Variants in CDH7 observed in about 807,000 individuals in gnomAD.
CDH7 encodes the protein cadherin 7, also known as cadherin-7.
CDH7 carries 25 observed loss-of-function variants against 71.8 expected under a neutral mutation model. The ratio of observed to expected loss-of-function variants is 0.35; its 90% CI spans 0.25 to 0.49. The LOEUF (loss-of-function observed/expected upper bound fraction) is 0.49, where lower values mean the gene tolerates loss of function less well. Ranked by LOEUF, CDH7 falls within the 20% of genes least tolerant of loss-of-function variation. The pLI, the probability that CDH7 is intolerant of heterozygous loss-of-function variation, is 0.99. For missense variants in CDH7, 862 were observed against 974.6 expected (o/e 0.88, Z 1.54); for synonymous variants, 381 against 363.8 (o/e 1.05, Z -0.54).
At chr18:65,813,272 C>T (rs534946054) in intron 3 of CDH7, among the ~76,000 whole-genome samples, 100 of 152,268 alleles carry the variant, frequency 6.6e-4, no homozygotes, top group African/African-American at 2.0e-3. Context: ...GTGGAGGTTA[C>T]GGTGAGCCAA....
At chr18:65,779,118 T>A (rs1048819755) in intron 2 of CDH7, among the ~76,000 whole-genome samples, 36 of 152,000 alleles carry the variant, frequency 2.4e-4, no homozygotes, top group African/African-American at 7.7e-4. Flanking sequence ...TATTTTTTAG[T>A]AAATTTTGTA....
rs1568182797 is a variant in CDH7 at position 65,782,176 on chromosome 18, T to TTCTTTCTTTCTC, written c.210+19135_210+19136insCTCTTTCTTTCT. Among the ~76,000 whole-genome samples, 30 of 134,646 alleles carry TTCTTTCTTTCTC rather than the reference T, an allele frequency of 2.2e-4. 3 individuals are homozygous for TTCTTTCTTTCTC. Among genetic ancestry groups the TTCTTTCTTTCTC allele is most frequent in the African/African-American group, 8.8e-4 (27 of 30,512 alleles). The allele number at this position is 134,646 out of a possible 152,430, so 88.3% of individuals were successfully genotyped here. A position where few individuals can be genotyped will look rare whatever the true frequency, so the allele number is the denominator to read the frequency against. On this transcript the variant is annotated intron_variant, in intron 2 of 11. Transcript: ENST00000397968. ...TTTCTTTCTTTCTTCCTTTCTTTCT[T>TTCTTTCTTTCTC]TCTTTCTTTCTTGACAGAGTCTCAC... is the stretch of plus-strand genomic sequence containing the variant.
intron 6 of CDH7, among the ~76,000 whole-genome samples, chr18:65,831,147 T>A (rs1490660301): frequency 6.6e-6 from 1 of 152,174 alleles, no homozygotes; most frequent in Non-Finnish European, 1.5e-5. Context: ...AATAATTTAT[T>A]ACAATTTTGT....
intron 2 of CDH7, among the ~76,000 whole-genome samples, chr18:65,784,961 T>A (rs1333029620): frequency 1.3e-5 from 2 of 152,202 alleles, no homozygotes; most frequent in Admixed American, 6.5e-5. Context: ...AAGATGTTTA[T>A]AATAGGCAGA....
At position 65,809,994 on chromosome 18, in the gene CDH7, C is replaced by T. The variant is rs780073824; in HGVS notation, c.501C>T (p.Pro167=). 23 of 1,608,474 alleles carry T rather than the reference C, an allele frequency of 1.4e-5. No homozygotes were observed. In the East Asian group the frequency reaches 1.6e-4, roughly 11 times the overall value. Residue 167 remains proline (P), a synonymous_variant, in exon 3 of 12, where the codon CCC becomes CCT. Coordinates refer to ENST00000397968, the MANE Select transcript of CDH7 (RefSeq NM_004361.5). ...CGGCAGGAGTTCCCGAAATGTCTCC[C>T]GTGGGTAAGTAAAGAACACTCTGCT... is the stretch of plus-strand genomic sequence containing the variant. ...PYTAGVPEMS[P]VGTSVVQVTA... is the part of the protein sequence containing the mutation.
intron 10 of CDH7, 144 bp downstream of exon 10, chr18:65,859,969 A>C (rs979136302): frequency 3.5e-6 from 2 of 567,632 alleles, no homozygotes; most frequent in Admixed American, 6.0e-5. Context: ...AGTAATTTTT[A>C]TCTATGGATT....
chr18:65,842,579 ATATAT>A (rs908357151), intron 6 of CDH7, among the ~76,000 whole-genome samples: 40 of 151,978 alleles, frequency 2.6e-4, no homozygotes, highest in African/African-American at 9.6e-4. Context: ...ACAGTATGGG[ATATAT>A]TATATACAGT....
intron 6 of CDH7, among the ~76,000 whole-genome samples, chr18:65,829,221 G>A (rs530447869): frequency 9.2e-5 from 14 of 151,946 alleles, no homozygotes; most frequent in Admixed American, 8.5e-4. Flanking sequence ...CCGGGTTCAC[G>A]CCATTCTCCT....
chr18:65,866,315 C>CAAAAAAAACAAAAAAAAAAAAAAAAAAA (rs1913753284), intron 11 of CDH7: 1 of 1,356 alleles, frequency 7.4e-4, no homozygotes, highest in Non-Finnish European at 1.7e-3. Context: ...AAAAAAAAAA[C>CAAAAAAAACAAAAAAAAAAAAAAAAAAA]AAAAAAAAAA....
intron 2 of CDH7, among the ~76,000 whole-genome samples, chr18:65,792,942 G>T (rs1910766234): frequency 6.6e-6 from 1 of 152,270 alleles, no homozygotes; most frequent in African/African-American, 2.4e-5. Context: ...CCACCTCTGA[G>T]ACCCTGCCTT....
At chr18:65,876,852 G>C (rs1914087987) in intron 11 of CDH7, among the ~76,000 whole-genome samples, 1 of 152,244 alleles carries the variant, frequency 6.6e-6, no homozygotes, top group South Asian at 2.1e-4. Flanking sequence ...ACATATTTTT[G>C]TTAAACAGAT....
intron 11 of CDH7, among the ~76,000 whole-genome samples, chr18:65,870,333 C>T (rs111750584): frequency 7.9e-5 from 12 of 152,274 alleles, no homozygotes; most frequent in Admixed American, 1.3e-4. Flanking sequence ...TTCCATAGCA[C>T]GTAAATCCAC....
At chr18:65,801,956 C>T (rs1028827821) in intron 2 of CDH7, among the ~76,000 whole-genome samples, 6 of 152,186 alleles carry the variant, frequency 3.9e-5, no homozygotes, top group South Asian at 2.1e-4. Flanking sequence ...GTCTGCGACA[C>T]GTACATGCAT....
intron 2 of CDH7, among the ~76,000 whole-genome samples, chr18:65,798,039 T>C (rs2143874414): frequency 1.3e-5 from 2 of 152,278 alleles, no homozygotes; most frequent in East Asian, 3.9e-4. Context: ...GAACATAAGA[T>C]ACTCAACCCT....
intron 1 of CDH7, among the ~76,000 whole-genome samples, chr18:65,757,894 C>A (rs1916078437): frequency 6.6e-6 from 1 of 151,838 alleles, no homozygotes. Context: ...TGACATGAAT[C>A]TTGTTTTTAA....
chr18:65,805,723 A>G (rs1450778712), intron 2 of CDH7, among the ~76,000 whole-genome samples: 4 of 152,140 alleles, frequency 2.6e-5, no homozygotes, highest in South Asian at 4.1e-4. Context: ...ATCCATCATG[A>G]AAGTCCTTCA....
intron 2 of CDH7, among the ~76,000 whole-genome samples, chr18:65,785,295 G>T (rs535861834): frequency 6.6e-6 from 1 of 151,950 alleles, no homozygotes; most frequent in Non-Finnish European, 1.5e-5. Context: ...GACATATAGT[G>T]TTCTGTAGAG....
Position 65,862,879 on chromosome 18 carries a change from C to A in CDH7, c.1826C>A (p.Ala609Asp), listed in dbSNP as rs1175534570. The A allele has an allele frequency of 6.2e-7, 1 of 1,614,020 alleles. No homozygotes were observed. Among genetic ancestry groups the A allele is most frequent in the Non-Finnish European group, 8.5e-7 (1 of 1,180,012 alleles). The change falls in exon 11 of 12, where the codon GCC (alanine) becomes GAC (aspartate). Residue 609 changes from alanine (A) to aspartate (D), a missense_variant. Ala to Asp is a moderately radical substitution (Grantham distance 126). Transcript: ENST00000397968. ...CTACCTGCTGGCCTCAGTACAGGAG[C>A]CCTGATAGCCATACTCGCCTGTGTC... is the stretch of plus-strand genomic sequence containing the variant. The part of the protein sequence containing the change: ...YVLPAGLSTG[A>D]LIAILACVLT...
At chr18:65,875,991 T>C (rs1271622655) in intron 11 of CDH7, among the ~76,000 whole-genome samples, 1 of 152,144 alleles carries the variant, frequency 6.6e-6, no homozygotes, top group Non-Finnish European at 1.5e-5. Flanking sequence ...TTACATGAAA[T>C]TTGTAAAATA....
Sources: gnomAD v4.1 joint callset for allele counts (sites outside exome capture counted in the v4.1 genomes callset) on GRCh38, gnomAD v4.1.1 for gene constraint, MANE v1.5 for transcripts, NCBI Gene and HGNC (gene_info 2026-07-23, HGNC 2026-07-21) for gene names.